The following TNIK variants were observed in gnomAD, a reference collection of about 807,000 sequenced individuals.
The protein encoded by TNIK is TRAF2 and NCK-interacting protein kinase.
TNIK carries 49 observed loss-of-function variants against 191.3 expected under a neutral mutation model. The ratio of observed to expected loss-of-function variants is 0.26; its 90% CI spans 0.20 to 0.32. The LOEUF (loss-of-function observed/expected upper bound fraction) is 0.32. TNIK is among the 10% of genes least tolerant of loss of function. TNIK has a pLI of 1.00. For synonymous variants in TNIK, 594 were observed against 600.9 expected, an observed-to-expected ratio of 0.99 and a Z score of 0.17; for missense variants, 1,155 against 1,702.3, an observed-to-expected ratio of 0.68 and a Z score of 5.66.
chr3:171,459,311 T>G (rs1729150873), intron 1 of TNIK, among the ~76,000 whole-genome samples: 1 of 151,916 alleles, frequency 6.6e-6, no homozygotes, highest in South Asian at 2.1e-4. Context: ...TTCACCTGCT[T>G]AAGTTCAGCC....
intron 12 of TNIK, among the ~76,000 whole-genome samples, chr3:171,145,867 C>G (rs1731501239): frequency 6.6e-6 from 1 of 150,932 alleles, no homozygotes; most frequent in African/African-American, 2.4e-5. Context: ...TGTTCTAGCT[C>G]TCATAGAAGT....
chr3:171,365,918 C>T (rs1015733830), intron 2 of TNIK, among the ~76,000 whole-genome samples: 7 of 152,090 alleles, frequency 4.6e-5, no homozygotes, highest in African/African-American at 1.7e-4. Flanking sequence ...TCTTCATTTC[C>T]GTAATAACCA....
intron 2 of TNIK, among the ~76,000 whole-genome samples, chr3:171,350,938 A>C (rs941406743): frequency 6.6e-6 from 1 of 152,078 alleles, no homozygotes; most frequent in Admixed American, 6.6e-5. Flanking sequence ...CTTGCTGGAC[A>C]CTTTAATCTG....
intron 2 of TNIK, among the ~76,000 whole-genome samples, chr3:171,345,651 G>C (rs1712046892): frequency 6.6e-6 from 1 of 151,982 alleles, no homozygotes; most frequent in Admixed American, 6.6e-5. Context: ...GCATATGAGA[G>C]AAAAAACACC....
intron 2 of TNIK, among the ~76,000 whole-genome samples, chr3:171,290,924 C>T (rs1382052133): frequency 1.3e-5 from 2 of 152,134 alleles, no homozygotes; most frequent in African/African-American, 4.8e-5. Flanking sequence ...CCAAAATGAT[C>T]AACGATCTTA....
At chr3:171,207,147 A>G (rs1740193789) in intron 4 of TNIK, among the ~76,000 whole-genome samples, 1 of 152,174 alleles carries the variant, frequency 6.6e-6, no homozygotes, top group Non-Finnish European at 1.5e-5. Flanking sequence ...ACAGGAGCTC[A>G]GATGCCTCTT....
chr3:171,423,085 T>C (rs986468457), intron 1 of TNIK, among the ~76,000 whole-genome samples: 107 of 152,118 alleles, frequency 7.0e-4, no homozygotes, highest in Non-Finnish European at 1.0e-4. Context: ...CATAGCTATA[T>C]AAATCTGGGC....
intron 2 of TNIK, among the ~76,000 whole-genome samples, chr3:171,318,154 A>G (rs1452386163): frequency 8.5e-5 from 13 of 152,122 alleles, no homozygotes; most frequent in Admixed American, 8.5e-4. Context: ...GAGTCATACT[A>G]TATAGTTTAG....
intron 1 of TNIK, among the ~76,000 whole-genome samples, chr3:171,432,366 G>A (rs1032882447): frequency 2.0e-5 from 3 of 152,098 alleles, no homozygotes; most frequent in South Asian, 2.1e-4. Context: ...CAATAGTAAG[G>A]AACAGAACCA....
intron 3 of TNIK, among the ~76,000 whole-genome samples, chr3:171,212,388 GC>G (rs1740944789): frequency 6.6e-5 from 10 of 151,612 alleles, no homozygotes; most frequent in Admixed American, 6.6e-4. Flanking sequence ...TCTGGTCATA[GC>G]CCCTACACTC....
chr3:171,161,925 AATAAT>A (rs1468838984), intron 10 of TNIK, among the ~76,000 whole-genome samples: 3 of 151,934 alleles, frequency 2.0e-5, no homozygotes, highest in African/African-American at 7.3e-5. Flanking sequence ...GTCTCAAAAT[AATAAT>A]ATAATAATAA....
chr3:171,264,109 CACAT>C (rs1249112123), intron 2 of TNIK, among the ~76,000 whole-genome samples: 700 of 57,716 alleles, frequency 0.012, no homozygotes, highest in African/African-American at 0.059. Context: ...CACACACACA[CACAT>C]ATATATATAT....
At chr3:171,186,800 C>T (rs954962665) in intron 7 of TNIK, among the ~76,000 whole-genome samples, 1 of 152,216 alleles carries the variant, frequency 6.6e-6, no homozygotes, top group East Asian at 1.9e-4. Flanking sequence ...TCTGTGGCTA[C>T]TCATACAACA....
intron 2 of TNIK, among the ~76,000 whole-genome samples, chr3:171,285,713 T>C (rs1750933463): frequency 6.6e-6 from 1 of 152,238 alleles, no homozygotes; most frequent in South Asian, 2.1e-4. Context: ...CTTCCATTAT[T>C]TGGCAGATAA....
intron 2 of TNIK, among the ~76,000 whole-genome samples, chr3:171,354,959 C>T (rs1713808138): frequency 6.6e-6 from 1 of 152,132 alleles, no homozygotes; most frequent in African/African-American, 2.4e-5. Context: ...GTTTTGGGTT[C>T]TGTTAGCAGA....
chr3:171,171,042 ACT>A (rs1560212067), intron 9 of TNIK, among the ~76,000 whole-genome samples: 3 of 151,886 alleles, frequency 2.0e-5, no homozygotes. Flanking sequence ...ACAGAATGAG[ACT>A]CTGTCTCTAA....
At chr3:171,326,079 A>G (rs1486144028) in intron 2 of TNIK, among the ~76,000 whole-genome samples, 2 of 152,178 alleles carry the variant, frequency 1.3e-5, no homozygotes, top group Non-Finnish European at 2.9e-5. Flanking sequence ...GAAGAGGAGA[A>G]TTGGAAATGT....
At chr3:171,426,307 A>G (rs1344853955) in intron 1 of TNIK, among the ~76,000 whole-genome samples, 1 of 151,172 alleles carries the variant, frequency 6.6e-6, no homozygotes, top group Admixed American at 6.6e-5. Flanking sequence ...TCGCAAGGAC[A>G]AAAAACCAAA....
intron 30 of TNIK, among the ~76,000 whole-genome samples, chr3:171,068,552 A>G (rs1053318099): frequency 6.6e-5 from 10 of 152,258 alleles, no homozygotes; most frequent in Non-Finnish European, 1.5e-4. Context: ...TCTACCGAAT[A>G]TAATTCATGC....
Sources: allele counts gnomAD v4.1 joint callset (sites outside exome capture counted in the v4.1 genomes callset), GRCh38; gene constraint gnomAD v4.1.1; transcripts MANE v1.5; gene names NCBI Gene and HGNC (gene_info 2026-07-23, HGNC 2026-07-21).